Variants in ENOX1 observed in about 807,000 individuals in gnomAD.
ENOX1 encodes candidate growth-related and time keeping constitutive hydroquinone (NADH) oxidase.
ENOX1 carries 42 observed loss-of-function variants against 82.5 expected under a neutral mutation model. The ratio of observed to expected loss-of-function variants is 0.51; its 90% CI spans 0.40 to 0.66. The LOEUF is 0.66. Among genes scored for constraint, ENOX1 ranks in the 30% least tolerant of loss-of-function variants. The pLI is 0.00. For synonymous variants in ENOX1, 271 were observed against 282.2 expected (o/e 0.96, Z 0.40); for missense variants, 608 against 811.6 (o/e 0.75, Z 3.05).
intron 5 of ENOX1, among the ~76,000 whole-genome samples, chr13:43,377,775 A>G (rs2051745129): frequency 6.6e-6 from 1 of 152,214 alleles, no homozygotes; most frequent in African/African-American, 2.4e-5. Context: ...GTAGGAACTC[A>G]CACTCAGGTC....
intron 3 of ENOX1, among the ~76,000 whole-genome samples, chr13:43,476,461 G>A (rs1165607846): frequency 6.6e-6 from 1 of 152,042 alleles, no homozygotes; most frequent in African/African-American, 2.4e-5. Context: ...AAGAGAAAAG[G>A]CCTCAAAAAC....
intron 7 of ENOX1, among the ~76,000 whole-genome samples, chr13:43,358,300 T>C (rs1026981460): frequency 2.5e-4 from 38 of 152,298 alleles, no homozygotes; most frequent in African/African-American, 8.4e-4. Context: ...CCTGTGAGCA[T>C]GGGTTTAATC....
chr13:43,368,232 C>A (rs904095269), intron 5 of ENOX1, among the ~76,000 whole-genome samples: 4 of 152,188 alleles, frequency 2.6e-5, no homozygotes, highest in Non-Finnish European at 4.4e-5. Context: ...ACAAAGACTT[C>A]ATTCCATCAA....
rs1044753 is a variant in ENOX1, at chr13:43,213,895, C to T, written c.*95G>A. 791,423 of 1,394,574 alleles carry T rather than the reference C, an allele frequency of 0.57. 231,061 individuals carry two copies. The highest frequency in any genetic ancestry group is 0.61 in the Middle Eastern group (3,239 of 5,350). 86.4% of individuals were successfully genotyped at this position (1,394,574 alleles called of 1,614,324 possible). ...GGCTTCGATGGCTCCACAAAGGTTG[C>T]GTGCTGGACCAACCCCACACCTCCT... On this transcript the variant is annotated 3_prime_UTR_variant, in exon 17 of 17. Coordinates refer to ENST00000690772, the MANE Select transcript of ENOX1 (RefSeq NM_001347969.2).
intron 3 of ENOX1, among the ~76,000 whole-genome samples, chr13:43,423,061 A>T (rs2055068801): frequency 6.6e-6 from 1 of 152,160 alleles, no homozygotes; most frequent in Admixed American, 6.5e-5. Flanking sequence ...AAGGGAGGCT[A>T]CTGTATGCAG....
At chr13:43,549,827 G>A (rs534961913) in intron 2 of ENOX1, among the ~76,000 whole-genome samples, 1 of 152,290 alleles carries the variant, frequency 6.6e-6, no homozygotes, top group Non-Finnish European at 1.5e-5. Context: ...TTGAACTCCT[G>A]TGATCAAGGC....
intron 1 of ENOX1, among the ~76,000 whole-genome samples, chr13:43,777,535 G>C (rs960201297): frequency 6.2e-5 from 9 of 145,226 alleles, no homozygotes; most frequent in African/African-American, 2.2e-4. Context: ...GGATCTCTCT[G>C]TATTATTTCT....
intron 9 of ENOX1, among the ~76,000 whole-genome samples, chr13:43,326,987 A>G (rs1471113418): frequency 6.6e-6 from 1 of 152,182 alleles, no homozygotes; most frequent in Non-Finnish European, 1.5e-5. Context: ...CAAGGACTCA[A>G]TCACAGTCCT....
rs186800878 is a variant in ENOX1 at position 43,736,973 on chromosome 13, G to T, written c.-285+49679C>A. ...AAACTTGGATGAACCAACTGAACCG[G>T]AAGATACTGTCTTAACACAGGCTTA... is the stretch of plus-strand genomic sequence containing the variant. On this transcript the variant is annotated intron_variant, in intron 1 of 16. Transcript: ENST00000690772. Among the ~76,000 whole-genome samples, 828 of 152,268 alleles carry T rather than the reference G, an allele frequency of 5.4e-3. 5 individuals are homozygous for T. Among genetic ancestry groups the T allele is most frequent in the Non-Finnish European group, 9.6e-3 (656 of 68,022 alleles).
intron 3 of ENOX1, among the ~76,000 whole-genome samples, chr13:43,448,346 A>G (rs1308272716): frequency 2.0e-5 from 3 of 152,252 alleles, no homozygotes; most frequent in Non-Finnish European, 2.9e-5. Flanking sequence ...TAGGCTTGCC[A>G]ATTTAAATAT....
intron 2 of ENOX1, among the ~76,000 whole-genome samples, chr13:43,640,747 AC>A (rs1437848166): frequency 6.6e-6 from 1 of 152,200 alleles, no homozygotes; most frequent in Non-Finnish European, 1.5e-5. Context: ...GTGTATTAAA[AC>A]TGTAAAATCA....
At chr13:43,368,968 A>C (rs565582937) in intron 5 of ENOX1, among the ~76,000 whole-genome samples, 4 of 152,268 alleles carry the variant, frequency 2.6e-5, no homozygotes, top group Non-Finnish European at 5.9e-5. Flanking sequence ...CTGTCTCTCC[A>C]GCATGCCTTC....
intron 9 of ENOX1, among the ~76,000 whole-genome samples, chr13:43,328,308 A>T (rs930947903): frequency 6.6e-6 from 1 of 152,174 alleles, no homozygotes; most frequent in Non-Finnish European, 1.5e-5. Context: ...TGCCTTCTGT[A>T]GGGGCAACAC....
chr13:43,309,825 G>T (rs1410925711), intron 11 of ENOX1, among the ~76,000 whole-genome samples: 3 of 59,932 alleles, frequency 5.0e-5, no homozygotes, highest in African/African-American at 1.4e-4. Context: ...AACAGTTTTT[G>T]CTTTGTTCAT....
At chr13:43,725,942 G>A (rs546898165) in intron 1 of ENOX1, among the ~76,000 whole-genome samples, 1 of 151,806 alleles carries the variant, frequency 6.6e-6, no homozygotes, top group African/African-American at 2.4e-5. Flanking sequence ...ACTCCAGCCT[G>A]GACAACAGAA....
At chr13:43,719,797 C>G (rs960013436) in intron 1 of ENOX1, among the ~76,000 whole-genome samples, 2 of 152,058 alleles carry the variant, frequency 1.3e-5, no homozygotes, top group Admixed American at 1.3e-4. Flanking sequence ...ATGCCTGCAC[C>G]CAAGCTCTAG....
chr13:43,623,845 G>T (rs1265553086), intron 2 of ENOX1, among the ~76,000 whole-genome samples: 1 of 152,016 alleles, frequency 6.6e-6, no homozygotes, highest in Non-Finnish European at 1.5e-5. Flanking sequence ...AGACATCAGG[G>T]TTTTTTCCAA....
chr13:43,689,118 GA>G (rs1453963198), intron 1 of ENOX1, among the ~76,000 whole-genome samples: 3 of 152,166 alleles, frequency 2.0e-5, no homozygotes, highest in Admixed American at 1.3e-4. Flanking sequence ...GGTTTCTATG[GA>G]GGGATCCGAA....
intron 1 of ENOX1, among the ~76,000 whole-genome samples, chr13:43,738,254 G>A (rs2153825367): frequency 6.6e-6 from 1 of 152,070 alleles, no homozygotes; most frequent in East Asian, 1.9e-4. Context: ...TTTTAAACAT[G>A]TCTTTAAACA....
Sources: allele counts gnomAD v4.1 joint callset (sites outside exome capture counted in the v4.1 genomes callset), GRCh38; gene constraint gnomAD v4.1.1; transcripts MANE v1.5; gene names NCBI Gene and HGNC (gene_info 2026-07-23, HGNC 2026-07-21).